EIF4ENIF1: variants seen among roughly 807,000 people sequenced by gnomAD.
EIF4ENIF1 encodes eukaryotic translation initiation factor 4E transporter.
EIF4ENIF1 carries 23 observed loss-of-function variants against 110.5 expected under a neutral mutation model. The ratio of observed to expected loss-of-function variants is 0.21; its 90% CI spans 0.15 to 0.29. EIF4ENIF1 has a LOEUF of 0.29. Among genes scored for constraint, EIF4ENIF1 ranks in the 10% least tolerant of loss-of-function variants. The pLI, the probability that EIF4ENIF1 is intolerant of heterozygous loss-of-function variation, is 1.00. For missense variants in EIF4ENIF1, 1,031 were observed against 1,221.1 expected, an observed-to-expected ratio of 0.84 and a Z score of 2.32; for synonymous variants, 440 against 437.0, an observed-to-expected ratio of 1.01 and a Z score of -0.09.
upstream of EIF4ENIF1, among the ~76,000 whole-genome samples, chr22:31,491,834 C>T (rs2052288366): frequency 6.6e-6 from 1 of 152,218 alleles, no homozygotes; most frequent in African/African-American, 2.4e-5. Flanking sequence ...TGAGCCACCA[C>T]ACCTGAGCTT....
At position 31,468,263 on chromosome 22, in the gene EIF4ENIF1, G is replaced by A. The variant is rs1282438581; in HGVS notation, c.210C>T (p.Leu70=). The A allele has an allele frequency of 6.2e-7, 1 of 1,614,212 alleles. No homozygotes were observed. Among genetic ancestry groups the A allele is most frequent in the Non-Finnish European group, 8.5e-7 (1 of 1,180,040 alleles). Residue 70 remains leucine (L), a synonymous_variant, in exon 4 of 19, where the codon CTC becomes CTT. Coordinates refer to ENST00000330125, the MANE Select transcript of EIF4ENIF1 (RefSeq NM_019843.4). ...VWDPEKWHAS[L]YPASGRSSPV... is the part of the protein sequence containing the mutation. ...GTGAGCTCCGCCCTGAAGCTGGGTA[G>A]AGAGAGGCATGCCACTTCTCAGGGT...
upstream of EIF4ENIF1, chr22:31,490,046 A>T (rs1414796842): frequency 6.6e-6 from 1 of 152,214 alleles, no homozygotes; most frequent in Non-Finnish European, 1.5e-5. Context: ...GGTGGCGGCG[A>T]GGAGGAGGCC....
At chr22:31,463,229 G>C (rs2051056256) in intron 5 of EIF4ENIF1, 96 bp from the exon 6 acceptor site, 1 of 1,215,356 alleles carries the variant, frequency 8.2e-7, no homozygotes, top group South Asian at 1.4e-5. Flanking sequence ...GTGAAAGGAA[G>C]ATATGATGCT....
chr22:31,450,698 C>T (rs1293585950), intron 10 of EIF4ENIF1: 2 of 302,586 alleles, frequency 6.6e-6, no homozygotes, highest in Non-Finnish European at 1.3e-5. Flanking sequence ...CTACCCATTA[C>T]CTTTAACAAG....
At chr22:31,452,828 G>A (rs1569075450) in intron 10 of EIF4ENIF1, among the ~76,000 whole-genome samples, 1 of 152,218 alleles carries the variant, frequency 6.6e-6, no homozygotes, top group African/African-American at 2.4e-5. Context: ...CAGATACAAA[G>A]AAGTCAGTCT....
intron 12 of EIF4ENIF1, among the ~76,000 whole-genome samples, chr22:31,448,801 T>C (rs1165617315): frequency 2.0e-5 from 3 of 152,170 alleles, no homozygotes; most frequent in African/African-American, 4.8e-5. Context: ...AATAGCTTCA[T>C]AGATAACCAC....
intron 2 of EIF4ENIF1, among the ~76,000 whole-genome samples, chr22:31,481,166 ATT>A (rs1275720010): frequency 6.6e-6 from 1 of 150,748 alleles, no homozygotes; most frequent in Non-Finnish European, 1.5e-5. Flanking sequence ...AGATTGAATA[ATT>A]TTTTTTTCCT....
Position 31,464,703 on chromosome 22 carries a change from T to C in EIF4ENIF1, c.299-736A>G, listed in dbSNP as rs13058715. On this transcript the variant is annotated intron_variant, in intron 4 of 18. Transcript: ENST00000330125. The stretch of plus-strand genomic sequence containing the variant: ...AAAAAAAAAAAAAAAAAAAAAAATA[T>C]ATATATATATATATATATATATAAA... Among the ~76,000 whole-genome samples the C allele has an allele frequency of 2.2e-4, 10 of 44,914 alleles. No individual in the cohort carries two copies. In the East Asian group the frequency reaches 4.0e-3, roughly 18 times the overall value. The allele number at this position is 44,914 out of a possible 152,430, so 29.5% of individuals were successfully genotyped here.
Position 31,463,844 on chromosome 22 carries a change from T to C in EIF4ENIF1, c.422A>G (p.Glu141Gly). The stretch of plus-strand genomic sequence containing the variant: ...CAGACGAAGCCCATCACTATCTTTC[T>C]CTAATGGACTTCCTGAGCGCCGGGA... ...VSSRRSGSPL[E>G]KDSDGLRLLG... The change falls in exon 5 of 19, where the codon GAG (glutamate) becomes GGG (glycine). Residue 141 changes from glutamate to glycine, a missense_variant. Around this residue, in one of 3 missense-constraint regions of EIF4ENIF1, gnomAD observed 704 missense variants for 879.7 expected, o/e 0.80. Coordinates refer to ENST00000330125, the MANE Select transcript of EIF4ENIF1 (RefSeq NM_019843.4). 6.2e-7 allele frequency: 1 copy of C among 1,614,032 alleles called. No individual in the cohort carries two copies. Among genetic ancestry groups the C allele is most frequent in the Non-Finnish European group, 8.5e-7 (1 of 1,180,020 alleles).
In EIF4ENIF1 at chr22:31,449,472, C is replaced by T. The variant is rs1178739776; in HGVS notation, c.1644G>A (p.Met548Ile). Residue 548 changes from methionine (M) to isoleucine (I), a missense_variant, in exon 12 of 19, where the codon ATG (methionine) becomes ATA (isoleucine). This residue lies in a region of EIF4ENIF1 where 704 missense variants were observed against 879.7 expected (regional missense o/e 0.80). Transcript: ENST00000330125. ...AAGATGTTGTAGGCTCCAAGCTCCC[C>T]ATAAGGCCACTCAGAAGATTGGAAG... Reference protein sequence around the residue: ...PASSNLLSGLMGSLEPTTSLL... With the variant: ...PASSNLLSGLIGSLEPTTSLL... 6.2e-7 allele frequency: 1 copy of T among 1,614,158 alleles called. No homozygotes were observed. Among genetic ancestry groups the T allele is most frequent in the South Asian group, 1.1e-5 (1 of 91,092 alleles).
intron 2 of EIF4ENIF1, among the ~76,000 whole-genome samples, chr22:31,485,828 G>A (rs2146108677): frequency 6.8e-6 from 1 of 146,502 alleles, no homozygotes; most frequent in South Asian, 2.2e-4. Context: ...TAAAAGTACT[G>A]GAAGGGGCCA....
intron 3 of EIF4ENIF1, among the ~76,000 whole-genome samples, chr22:31,471,217 G>A (rs555227793): frequency 6.6e-6 from 1 of 151,864 alleles, no homozygotes; most frequent in South Asian, 2.1e-4. Flanking sequence ...AGAACCAAGA[G>A]CGCCCCTGAG....
chr22:31,452,316 T>C (rs2050698170), intron 10 of EIF4ENIF1, among the ~76,000 whole-genome samples: 1 of 152,224 alleles, frequency 6.6e-6, no homozygotes, highest in African/African-American at 2.4e-5. Flanking sequence ...CTATTCTTAC[T>C]CCATTACTTT....
Position 31,481,328 on chromosome 22 carries a change from A to ATTT in EIF4ENIF1, c.96+7292_96+7294dup, listed in dbSNP as rs35792669. Among the ~76,000 whole-genome samples the ATTT allele has an allele frequency of 7.4e-3, 1,088 of 147,710 alleles. 12 individuals are homozygous for ATTT. Among genetic ancestry groups the ATTT allele is most frequent in the African/African-American group, 0.026 (1,035 of 40,280 alleles). On this transcript the variant is annotated intron_variant, in intron 2 of 18. Transcript: ENST00000330125. The stretch of plus-strand genomic sequence containing the variant: ...CAGGTGCACACCACCACCTCTGGCA[A>ATTT]TTTTTTTTTTTTTTAACGAGATGGG...
chr22:31,475,033 T>C (rs2051523000), intron 2 of EIF4ENIF1, among the ~76,000 whole-genome samples: 1 of 152,192 alleles, frequency 6.6e-6, no homozygotes, highest in African/African-American at 2.4e-5. Context: ...AATTCTCTAG[T>C]GTTTACAGAA....
chr22:31,441,822 G>C lies in EIF4ENIF1; in HGVS notation c.2503C>G (p.Leu835Val). Reference sequence around the variant, plus strand: ...TGCTGTGGATGTACTCCCTGGGCCAGCATCCTCTGTACCAACCCTGGGTGA... The same window carrying C: ...TGCTGTGGATGTACTCCCTGGGCCACCATCCTCTGTACCAACCCTGGGTGA... ...QLHPGLVQRM[L>V]AQGVHPQHLP... is the part of the protein sequence containing the mutation. The change falls in exon 17 of 19, where the codon CTG (leucine) becomes GTG (valine). Residue 835 changes from leucine (L) to valine (V), a missense_variant. By Grantham distance (32) the Leu-to-Val change is conservative (BLOSUM62 1). Coordinates refer to ENST00000330125, the MANE Select transcript of EIF4ENIF1 (RefSeq NM_019843.4). 1 of 1,614,118 alleles carries C rather than the reference G, an allele frequency of 6.2e-7. No homozygotes were observed. Among genetic ancestry groups the C allele is most frequent in the East Asian group, 2.2e-5 (1 of 44,884 alleles).
At chr22:31,483,209 CTTTTTT>C (rs60986284) in intron 2 of EIF4ENIF1, among the ~76,000 whole-genome samples, 3 of 89,452 alleles carry the variant, frequency 3.4e-5, no homozygotes, top group Non-Finnish European at 6.6e-5. Context: ...AGGAGACGAT[CTTTTTT>C]TTTTTTTTTT....
In EIF4ENIF1 at chr22:31,454,244, T is replaced by C; in HGVS notation, c.1412A>G (p.Asn471Ser). Residue 471 changes from asparagine to serine, a missense_variant, in exon 10 of 19, where the codon AAC (asparagine) becomes AGC (serine). Asn to Ser is a conservative substitution (Grantham distance 46, BLOSUM62 1). This residue lies in a region of EIF4ENIF1 where 704 missense variants were observed against 879.7 expected (regional missense o/e 0.80). Coordinates refer to ENST00000330125, the MANE Select transcript of EIF4ENIF1 (RefSeq NM_019843.4). ...TCCGTCTTTCTTCAGTTGTCGATTGTTGGTTACGGCACTCAAGGTCTCTTC... is the reference window on the plus strand; with the variant it reads ...TCCGTCTTTCTTCAGTTGTCGATTGCTGGTTACGGCACTCAAGGTCTCTTC... ...HLEETLSAVTNNRQLKKDGDM... is the reference protein window; with the variant it reads ...HLEETLSAVTSNRQLKKDGDM... The C allele has an allele frequency of 1.2e-6, 2 of 1,614,184 alleles. No individual in the cohort carries two copies. The highest frequency in any genetic ancestry group is 1.7e-6 in the Non-Finnish European group (2 of 1,180,040).
intron 4 of EIF4ENIF1, among the ~76,000 whole-genome samples, chr22:31,464,687 AAAAAAAAAAAAAATATAT>A (rs1204377149): frequency 8.5e-5 from 3 of 35,276 alleles, no homozygotes; most frequent in Non-Finnish European, 2.0e-4. Context: ...AAAAAAAAAA[AAAAAAAAAAAAAATATAT>A]ATATATATAT....
Sources: gnomAD v4.1 joint callset for allele counts (sites outside exome capture counted in the v4.1 genomes callset) on GRCh38, gnomAD v4.1.1 for gene constraint, gnomAD v4.1.1 regional missense constraint, MANE v1.5 for transcripts, NCBI Gene and HGNC (gene_info 2026-07-23, HGNC 2026-07-21) for gene names.